EOGT: variants seen among roughly 807,000 people sequenced by gnomAD.
EOGT encodes the protein EGF domain-specific O-linked N-acetylglucosamine transferase.
A neutral mutation model predicts 70.5 loss-of-function variants in EOGT; 55 were observed. The observed-to-expected ratio is 0.78, with a 90% confidence interval of 0.63 to 0.98. The LOEUF is 0.98. Among genes scored for constraint, EOGT ranks in the 50% least tolerant of loss-of-function variants. The pLI is 0.00. For synonymous variants in EOGT, 246 were observed against 217.1 expected, an observed-to-expected ratio of 1.13 and a Z score of -1.17; for missense variants, 703 against 641.9, an observed-to-expected ratio of 1.10 and a Z score of -1.03.
chr3:68,998,650 T>A (rs2091219011), intron 9 of EOGT, among the ~76,000 whole-genome samples: 1 of 151,862 alleles, frequency 6.6e-6, no homozygotes, highest in Admixed American at 6.6e-5. Flanking sequence ...GACCAGGAGT[T>A]TGAGAACAGC....
At chr3:69,005,697 T>C (rs768155712) in intron 6 of EOGT, among the ~76,000 whole-genome samples, 1 of 152,194 alleles carries the variant, frequency 6.6e-6, no homozygotes, top group African/African-American at 2.4e-5. Flanking sequence ...CTGCAAACCG[T>C]AAAGCTTGTG....
chr3:68,991,091 A>G (rs994197600), intron 10 of EOGT, among the ~76,000 whole-genome samples: 1 of 152,218 alleles, frequency 6.6e-6, no homozygotes, highest in African/African-American at 2.4e-5. Flanking sequence ...GTTTGAAAGG[A>G]AATTTTAATA....
intron 11 of EOGT, 32 bp from the exon 12 acceptor site, chr3:68,988,609 A>T: frequency 1.5e-6 from 2 of 1,364,016 alleles, no homozygotes; most frequent in South Asian, 2.6e-5. Context: ...AAGAAGATGT[A>T]ATTTGCACCC....
chr3:68,978,374 T>C lies in EOGT; in HGVS notation c.1396A>G (p.Ile466Val), dbSNP rs775338549. Residue 466 changes from isoleucine (I) to valine (V), a missense_variant, in exon 17 of 18, where the codon ATC (isoleucine) becomes GTC (valine). Physicochemically the swap from Ile to Val is conservative, Grantham distance 29. Transcript: ENST00000383701. ...ACTTTGTTCTGCCGTCGCCAAGTGATGTAGTGAACGCCTCTCAGCCTGGCC... is the reference window on the plus strand; with the variant it reads ...ACTTTGTTCTGCCGTCGCCAAGTGACGTAGTGAACGCCTCTCAGCCTGGCC... ...DLARLRGVHY[I>V]TWRRQNKVFP... is the part of the protein sequence containing the mutation. 8.7e-6 allele frequency: 14 copies of C among 1,612,966 alleles called. No homozygotes were observed. The highest frequency in any genetic ancestry group is 5.0e-5 in the Admixed American group (3 of 59,814).
chr3:69,003,414 T>A (rs118132045), intron 8 of EOGT, among the ~76,000 whole-genome samples: 1 of 151,650 alleles, frequency 6.6e-6, no homozygotes, highest in East Asian at 1.9e-4. Context: ...TGGGGGTGGG[T>A]TTTTCCTGCG....
At chr3:69,004,966 G>A (rs1338232496) in intron 7 of EOGT, among the ~76,000 whole-genome samples, 174 bp downstream of exon 7, 1 of 151,522 alleles carries the variant, frequency 6.6e-6, no homozygotes, top group East Asian at 1.9e-4. Flanking sequence ...AGAGGCTCAA[G>A]TGGGAGGATC....
chr3:68,990,901 GAA>G (rs10576244), intron 10 of EOGT, among the ~76,000 whole-genome samples: 6,916 of 132,438 alleles, frequency 0.052, 512 homozygotes, highest in African/African-American at 0.17. Context: ...TGTTAGATGT[GAA>G]AAAAAAAAAA....
chr3:69,013,120 A>T (rs535730448), intron 1 of EOGT, among the ~76,000 whole-genome samples: 2 of 152,180 alleles, frequency 1.3e-5, no homozygotes, highest in Non-Finnish European at 2.9e-5. Flanking sequence ...CTGAGGGGTC[A>T]GTGGCGAGCA....
At position 68,987,520 on chromosome 3, in the gene EOGT, T is replaced by C. The variant is rs1196443769; in HGVS notation, c.1084-7A>G. 1.9e-6 allele frequency: 3 copies of C among 1,609,082 alleles called. No individual in the cohort carries two copies. Among genetic ancestry groups the C allele is most frequent in the Non-Finnish European group, 2.6e-6 (3 of 1,175,708 alleles). Reference sequence around the variant, plus strand: ...TGACTCGAATTTTTCCATCCTGTAATCAAAATGAAACGGTAAAATAACACT... The same window carrying C: ...TGACTCGAATTTTTCCATCCTGTAACCAAAATGAAACGGTAAAATAACACT... On this transcript the variant is annotated splice_region_variant and splice_polypyrimidine_tract_variant and intron_variant, in intron 13 of 17. Transcript: ENST00000383701.
chr3:69,010,387 T>C (rs936654140), intron 3 of EOGT, among the ~76,000 whole-genome samples: 6 of 152,242 alleles, frequency 3.9e-5, no homozygotes, highest in Non-Finnish European at 5.9e-5. Context: ...AAGGGCTTGA[T>C]AGGATCCAGT....
chr3:69,009,921 CAACAA>C, intron 3 of EOGT, 61 bp from the exon 4 acceptor site: 1 of 568,698 alleles, frequency 1.8e-6, no homozygotes, highest in Non-Finnish European at 2.8e-6. Flanking sequence ...AAAACAACAA[CAACAA>C]CAACAACAAA....
intron 6 of EOGT, 96 bp from the exon 7 acceptor site, chr3:69,005,330 A>T: frequency 1.6e-6 from 1 of 631,270 alleles, no homozygotes; most frequent in Non-Finnish European, 2.8e-6. Flanking sequence ...GGATACCCTC[A>T]CATTCAAACC....
In EOGT at chr3:69,009,770, G is replaced by A. The variant is rs766970847; in HGVS notation, c.77C>T (p.Thr26Ile). 6 of 1,614,012 alleles carry A rather than the reference G, an allele frequency of 3.7e-6. No homozygotes were observed. In the South Asian group the frequency reaches 5.5e-5, roughly 15 times the overall value. ...CAGAGGTTCGCCTGGAATGCTGTGA[G>A]TATTAGGAGGAGCTTCATTCTGACC... ...LSGQNEAPPN[T>I]HSIPGEPLYN... Residue 26 changes from threonine (T) to isoleucine (I), a missense_variant, in exon 4 of 18, where the codon ACT becomes ATT. By Grantham distance (89) the Thr-to-Ile change is moderately conservative. Transcript: ENST00000383701.
intron 6 of EOGT, among the ~76,000 whole-genome samples, chr3:69,007,427 T>C (rs542968211): frequency 1.4e-5 from 2 of 145,506 alleles, no homozygotes; most frequent in South Asian, 2.2e-4. Context: ...CTGAGGTGGG[T>C]GGATCCCTTG....
intron 14 of EOGT, among the ~76,000 whole-genome samples, chr3:68,985,651 C>T (rs952594387): frequency 5.9e-5 from 9 of 152,180 alleles, no homozygotes; most frequent in African/African-American, 1.7e-4. Context: ...TCTACCATGT[C>T]ATCTCTACTG....
Position 68,977,452 on chromosome 3 carries a change from G to A in EOGT, c.*166C>T. ...AATAGCAATGACACAAAAACCACAT[G>A]AAACACTTAACATCTATACAACACA... On this transcript the variant is annotated 3_prime_UTR_variant, in exon 18 of 18. Coordinates refer to ENST00000383701, the MANE Select transcript of EOGT (RefSeq NM_001278689.2). 1.6e-6 allele frequency: 1 copy of A among 642,520 alleles called. No homozygotes were observed. Among genetic ancestry groups the A allele is most frequent in the Non-Finnish European group, 2.5e-6 (1 of 404,530 alleles). 39.8% of individuals were successfully genotyped at this position (642,520 alleles called of 1,614,324 possible).
At chr3:69,012,072 A>G (rs1191945272) in intron 2 of EOGT, 81 bp from the exon 3 acceptor site, 1 of 152,184 alleles carries the variant, frequency 6.6e-6, no homozygotes, top group Non-Finnish European at 1.5e-5. Context: ...ATTAAAGGAA[A>G]TATTAAGAAA....
intron 9 of EOGT, among the ~76,000 whole-genome samples, chr3:69,001,334 G>A (rs1190031109): frequency 1.3e-5 from 2 of 152,112 alleles, no homozygotes; most frequent in Non-Finnish European, 2.9e-5. Context: ...GGTAAATTTA[G>A]TTACAAAAGG....
At chr3:68,994,892 T>C (rs547567876) in intron 10 of EOGT, among the ~76,000 whole-genome samples, 6 of 152,320 alleles carry the variant, frequency 3.9e-5, no homozygotes, top group South Asian at 4.1e-4. Flanking sequence ...TTCTGTTTGA[T>C]AAGAGCAACC....
Sources: gnomAD v4.1 joint callset for allele counts (sites outside exome capture counted in the v4.1 genomes callset) on GRCh38, gnomAD v4.1.1 for gene constraint, MANE v1.5 for transcripts, NCBI Gene and HGNC (gene_info 2026-07-23, HGNC 2026-07-21) for gene names.